Variants in RBL2 observed in about 807,000 individuals in gnomAD.
RBL2 encodes retinoblastoma-like protein 2.
In RBL2, 56 loss-of-function variants were observed where a neutral mutation model predicts 126.0. The observed-to-expected ratio is 0.44, with a 90% CI of 0.36 to 0.56. RBL2 has a LOEUF of 0.56. Ranked by LOEUF, RBL2 falls within the 20% of genes least tolerant of loss-of-function variation. The pLI, the probability that RBL2 is intolerant of heterozygous loss-of-function variation, is 0.00. For synonymous variants in RBL2, 454 were observed against 478.5 expected, an observed-to-expected ratio of 0.95 and a Z score of 0.67; for missense variants, 1,229 against 1,398.2, an observed-to-expected ratio of 0.88 and a Z score of 1.93.
At chr16:53,457,424 T>G (rs1802618278) in intron 8 of RBL2, among the ~76,000 whole-genome samples, 1 of 151,502 alleles carries the variant, frequency 6.6e-6, no homozygotes, top group Admixed American at 6.6e-5. Flanking sequence ...CATGCCCAGC[T>G]AATTTTTTGT....
intron 1 of RBL2, among the ~76,000 whole-genome samples, chr16:53,438,350 C>T (rs1307761744): frequency 6.6e-6 from 1 of 152,190 alleles, no homozygotes; most frequent in Non-Finnish European, 1.5e-5. Flanking sequence ...ACTCCGAAGG[C>T]ACATGTCCTA....
chr16:53,442,528 T>C, intron 2 of RBL2, 130 bp from the exon 3 acceptor site: 1 of 681,366 alleles, frequency 1.5e-6, no homozygotes. Flanking sequence ...AGACATGAGT[T>C]GTGATTTTAT....
chr16:53,447,190 C>T, intron 4 of RBL2, 84 bp downstream of exon 4: 1 of 685,736 alleles, frequency 1.5e-6, no homozygotes, highest in Non-Finnish European at 2.3e-6. Flanking sequence ...TAATATGTAT[C>T]AGGAAAAGAT....
intron 7 of RBL2, 127 bp from the exon 8 acceptor site, chr16:53,454,529 G>A (rs770424409): frequency 1.3e-5 from 11 of 863,460 alleles, no homozygotes; most frequent in Non-Finnish European, 1.6e-5. Context: ...ATAACTACAA[G>A]TTACCCTACC....
Position 53,478,545 on chromosome 16 carries a change from CTTTT to C in RBL2, c.2704-596_2704-593del, listed in dbSNP as rs71143989. ...ATCTCTTTCTTCATGTTTGCTAATC[CTTTT>C]TTTTTTTTTTTTGCTAGTTCAAATC... On this transcript the variant is annotated intron_variant, in intron 17 of 21. Transcript: ENST00000262133. Among the ~76,000 whole-genome samples the C allele has an allele frequency of 4.8e-3, 615 of 128,786 alleles. 8 individuals are homozygous for C. The highest frequency in any genetic ancestry group is 0.017 in the African/African-American group (565 of 34,082). The allele number at this position is 128,786 out of a possible 152,430, so 84.5% of individuals were successfully genotyped here.
In RBL2 at chr16:53,481,734, T is replaced by C. The variant is rs775642136; in HGVS notation, c.3148T>C (p.Leu1050=). 12 of 1,607,542 alleles carry C rather than the reference T, an allele frequency of 7.5e-6. No individual in the cohort carries two copies. In the South Asian group the frequency reaches 1.3e-4, roughly 18 times the overall value. ...AACAGGCTCCCCTCGCCGAATACAGTTGTCTCAAAATCATCCTGTCTACAT... is the reference window on the plus strand; with the variant it reads ...AACAGGCTCCCCTCGCCGAATACAGCTGTCTCAAAATCATCCTGTCTACAT... ...VRTGSPRRIQ[L]SQNHPVYISP... Residue 1050 remains leucine (L), a synonymous_variant, in exon 21 of 22, where the codon TTG becomes CTG. Coordinates refer to ENST00000262133, the MANE Select transcript of RBL2 (RefSeq NM_005611.4).
At chr16:53,480,040 A>G (rs1960883566) in intron 19 of RBL2, 49 bp downstream of exon 19, 3 of 1,289,010 alleles carry the variant, frequency 2.3e-6, no homozygotes, top group Middle Eastern at 1.9e-4. Flanking sequence ...AGCTTTTCTT[A>G]CTTTTTAGGC....
chr16:53,442,910 G>T, intron 3 of RBL2, 52 bp downstream of exon 3: 1 of 1,244,532 alleles, frequency 8.0e-7, no homozygotes. Flanking sequence ...GTGCTGCAGT[G>T]TTGATATTCT....
At chr16:53,465,892 T>TATATATA in intron 13 of RBL2, 2 of 200,176 alleles carry the variant, frequency 1.0e-5, no homozygotes, top group Non-Finnish European at 2.0e-5. Context: ...ATATACAGGG[T>TATATATA]ACTCCTAGGT....
intron 4 of RBL2, among the ~76,000 whole-genome samples, chr16:53,450,902 C>G (rs1446465983): frequency 4.6e-5 from 7 of 151,600 alleles, no homozygotes; most frequent in African/African-American, 1.7e-4. Context: ...GAGATCGTGC[C>G]ACTGCACTCC....
At chr16:53,458,980 T>C (rs1043045257) in intron 8 of RBL2, among the ~76,000 whole-genome samples, 1 of 152,102 alleles carries the variant, frequency 6.6e-6, no homozygotes, top group African/African-American at 2.4e-5. Context: ...AAATCATGGA[T>C]TTTTTTTGGA....
intron 21 of RBL2, among the ~76,000 whole-genome samples, chr16:53,484,940 GC>G (rs1455443560): frequency 6.6e-6 from 1 of 151,638 alleles, no homozygotes; most frequent in Non-Finnish European, 1.5e-5. Context: ...AGATTTCAGA[GC>G]AAAAAATATT....
chr16:53,467,214 G>A, intron 14 of RBL2, 45 bp downstream of exon 14: 2 of 1,479,260 alleles, frequency 1.4e-6, no homozygotes, highest in Non-Finnish European at 1.9e-6. Flanking sequence ...TTACTATCTG[G>A]AAATTTAAAT....
chr16:53,435,604 A>G (rs1166752015), intron 1 of RBL2: 1 of 1,262,154 alleles, frequency 7.9e-7, no homozygotes, highest in Non-Finnish European at 1.0e-6. Context: ...GGGAAGTGAC[A>G]CGGAAGTACG....
intron 17 of RBL2, among the ~76,000 whole-genome samples, chr16:53,474,593 G>A (rs2150818602): frequency 6.6e-6 from 1 of 152,294 alleles, no homozygotes; most frequent in Admixed American, 6.5e-5. Flanking sequence ...TGGGATTATA[G>A]GCGTGAGCCA....
At chr16:53,463,072 G>A (rs557214050) in intron 11 of RBL2, among the ~76,000 whole-genome samples, 2 of 152,278 alleles carry the variant, frequency 1.3e-5, no homozygotes, top group African/African-American at 2.4e-5. Context: ...AACTCCAGAC[G>A]TCAGGTGGTC....
chr16:53,463,407 A>T (rs1185457240), intron 11 of RBL2, among the ~76,000 whole-genome samples: 2 of 151,848 alleles, frequency 1.3e-5, no homozygotes, highest in Admixed American at 6.6e-5. Flanking sequence ...GCTCACTGCA[A>T]CCTCTGCCTC....
At chr16:53,476,682 T>C (rs1379988024) in intron 17 of RBL2, among the ~76,000 whole-genome samples, 4 of 152,226 alleles carry the variant, frequency 2.6e-5, no homozygotes, top group African/African-American at 9.6e-5. Flanking sequence ...TAGGTATGTG[T>C]ATAACTGTTA....
rs1567752316 is a variant in RBL2, at chr16:53,490,550, G to GA, written c.*251dup. 7 of 347,562 alleles carry GA rather than the reference G, an allele frequency of 2.0e-5. No homozygotes were observed. The allele number at this position is 347,562 out of a possible 1,614,324, so 21.5% of individuals were successfully genotyped here. A position where few individuals can be genotyped will look rare whatever the true frequency, so the allele number is the denominator to read the frequency against. ...CAAGGCTGCTTAGAATCCAAACTTG[G>GA]ATTTTTGACTCTGGCAAAGCTTTTA... On this transcript the variant is annotated 3_prime_UTR_variant, in exon 22 of 22. Transcript: ENST00000262133.
Sources: gnomAD v4.1 joint callset for allele counts (sites outside exome capture counted in the v4.1 genomes callset) on GRCh38, gnomAD v4.1.1 for gene constraint, MANE v1.5 for transcripts, NCBI Gene and HGNC (gene_info 2026-07-23, HGNC 2026-07-21) for gene names.